ZBTB20: variants seen among roughly 807,000 people sequenced by gnomAD.
The protein encoded by ZBTB20 is zinc finger and BTB domain-containing protein 20.
ZBTB20 carries 9 observed loss-of-function variants against 56.9 expected under a neutral mutation model. That is an observed-to-expected ratio of 0.16 (90% CI 0.10 to 0.28). ZBTB20 has a LOEUF of 0.28. ZBTB20 is among the 10% of genes least tolerant of loss of function. ZBTB20 has a pLI of 1.00. For synonymous variants in ZBTB20, 417 were observed against 420.7 expected, an observed-to-expected ratio of 0.99 and a Z score of 0.11; for missense variants, 655 against 1,003.0, an observed-to-expected ratio of 0.65 and a Z score of 4.69.
At chr3:114,989,956 TC>T in intron 2 of ZBTB20, among the ~76,000 whole-genome samples, 1 of 152,326 alleles carries the variant, frequency 6.6e-6, no homozygotes, top group African/African-American at 2.4e-5. Context: ...TGATTTTGTA[TC>T]CTGAGACTTT....
intron 5 of ZBTB20, among the ~76,000 whole-genome samples, chr3:114,730,823 T>C (rs150246606): frequency 1.1e-4 from 17 of 152,282 alleles, no homozygotes; most frequent in Admixed American, 3.3e-4. Context: ...TCAGTGCCTA[T>C]ATGGTGCCTA....
At chr3:115,048,870 T>TA (rs904351884) in intron 2 of ZBTB20, among the ~76,000 whole-genome samples, 4 of 149,412 alleles carry the variant, frequency 2.7e-5, no homozygotes, top group East Asian at 3.8e-4. Flanking sequence ...GACTTCTATC[T>TA]AAAAAAAAGG....
At chr3:114,720,764 A>G (rs1163856893) in intron 5 of ZBTB20, among the ~76,000 whole-genome samples, 2 of 152,136 alleles carry the variant, frequency 1.3e-5, no homozygotes, top group Non-Finnish European at 2.9e-5. Flanking sequence ...ATTTTCTTTG[A>G]TAGATGCTAT....
chr3:114,896,733 G>A (rs1237558777), intron 4 of ZBTB20, among the ~76,000 whole-genome samples: 2 of 152,020 alleles, frequency 1.3e-5, no homozygotes, highest in Admixed American at 6.6e-5. Flanking sequence ...CCATTGAACT[G>A]TATACCAAAA....
intron 1 of ZBTB20, among the ~76,000 whole-genome samples, chr3:115,083,829 TG>T (rs954150205): frequency 5.3e-5 from 8 of 151,874 alleles, no homozygotes; most frequent in African/African-American, 1.9e-4. Context: ...GGAGAAGAAA[TG>T]GTAGGGAGCA....
chr3:115,045,040 C>T (rs2081284108), intron 2 of ZBTB20, among the ~76,000 whole-genome samples: 1 of 152,058 alleles, frequency 6.6e-6, no homozygotes, highest in Admixed American at 6.5e-5. Context: ...TGTGCTATAC[C>T]CATGAGACAT....
chr3:114,802,336 A>G (rs2071778851), intron 4 of ZBTB20, among the ~76,000 whole-genome samples: 2 of 151,918 alleles, frequency 1.3e-5, no homozygotes, highest in Admixed American at 1.3e-4. Context: ...AAGCATATGT[A>G]GTTCTTACTT....
chr3:114,778,067 G>A (rs1318921479), intron 5 of ZBTB20, among the ~76,000 whole-genome samples: 1 of 134,888 alleles, frequency 7.4e-6, no homozygotes, highest in Non-Finnish European at 1.6e-5. Context: ...GACACAGGAA[G>A]GGGAACATCA....
chr3:114,448,699 T>C lies in ZBTB20; in HGVS notation c.-255+51653A>G, dbSNP rs111478822. On this transcript the variant is annotated intron_variant, in intron 7 of 11. Transcript: ENST00000675478. ...AAACTTAAACGTTCATATAGCTGCA[T>C]AAAATTCAGCAGCATATAAGACTTA... Among the ~76,000 whole-genome samples the C allele has an allele frequency of 5.4e-3, 826 of 152,304 alleles. 22 individuals carry two copies. The highest frequency in any genetic ancestry group is 0.028 in the Admixed American group (423 of 15,294).
At chr3:115,048,231 TA>T (rs2081410154) in intron 2 of ZBTB20, among the ~76,000 whole-genome samples, 2 of 152,054 alleles carry the variant, frequency 1.3e-5, no homozygotes, top group African/African-American at 4.8e-5. Context: ...TCTCAAAAAA[TA>T]AAAATAAAAA....
chr3:114,421,084 G>C (rs917393220), intron 7 of ZBTB20, among the ~76,000 whole-genome samples: 7 of 152,060 alleles, frequency 4.6e-5, no homozygotes, highest in Admixed American at 4.6e-4. Flanking sequence ...GGGAACTTGT[G>C]GGTTTTGGCT....
chr3:114,989,513 A>G (rs2078705553), intron 2 of ZBTB20, among the ~76,000 whole-genome samples: 1 of 152,098 alleles, frequency 6.6e-6, no homozygotes, highest in Non-Finnish European at 1.5e-5. Flanking sequence ...GCCTTGTAGT[A>G]TAGTTTGAAG....
At chr3:114,841,200 C>T (rs944252060) in intron 4 of ZBTB20, among the ~76,000 whole-genome samples, 1 of 152,080 alleles carries the variant, frequency 6.6e-6, no homozygotes, top group South Asian at 2.1e-4. Flanking sequence ...ATTAGGGAAT[C>T]GGGGAAGGCA....
At chr3:114,619,806 T>G (rs143314716) in intron 6 of ZBTB20, among the ~76,000 whole-genome samples, 1 of 152,200 alleles carries the variant, frequency 6.6e-6, no homozygotes, top group Non-Finnish European at 1.5e-5. Flanking sequence ...GTTAAGACAG[T>G]GCAAATGATT....
At chr3:115,023,383 T>C (rs1560501292) in intron 2 of ZBTB20, among the ~76,000 whole-genome samples, 1 of 150,934 alleles carries the variant, frequency 6.6e-6, no homozygotes, top group Non-Finnish European at 1.5e-5. Flanking sequence ...TTTTTTGTTT[T>C]GTTTTTCATT....
chr3:114,481,864 G>A (rs1463007028), intron 7 of ZBTB20, among the ~76,000 whole-genome samples: 1 of 152,222 alleles, frequency 6.6e-6, no homozygotes, highest in Non-Finnish European at 1.5e-5. Context: ...CAAAGGAAAT[G>A]TGGCTGGTGA....
intron 6 of ZBTB20, chr3:114,519,124 C>T (rs1041383744): frequency 2.0e-5 from 3 of 152,144 alleles, no homozygotes; most frequent in Non-Finnish European, 4.4e-5. Flanking sequence ...TAGAACTGCC[C>T]CCACTCTAAG....
chr3:115,077,912 C>G (rs1430884771), intron 1 of ZBTB20, among the ~76,000 whole-genome samples: 1 of 152,192 alleles, frequency 6.6e-6, no homozygotes, highest in Non-Finnish European at 1.5e-5. Context: ...AAATTAGTAT[C>G]TTGAAAAGAG....
chr3:114,737,980 A>G (rs1412643065), intron 5 of ZBTB20, among the ~76,000 whole-genome samples: 1 of 152,128 alleles, frequency 6.6e-6, no homozygotes, highest in Admixed American at 6.6e-5. Flanking sequence ...CTTTCTGCTA[A>G]TTAAGTGTTC....
Sources: gnomAD v4.1 joint callset for allele counts (sites outside exome capture counted in the v4.1 genomes callset) on GRCh38, gnomAD v4.1.1 for gene constraint, MANE v1.5 for transcripts, NCBI Gene and HGNC (gene_info 2026-07-23, HGNC 2026-07-21) for gene names.